The following SENP7 variants were observed in gnomAD, a reference collection of about 807,000 sequenced individuals.
SENP7 encodes sentrin-specific protease 7.
Under a neutral mutation model 141.2 loss-of-function variants are expected in SENP7, and 64 were observed. The ratio of observed to expected loss-of-function variants is 0.45; its 90% CI spans 0.37 to 0.56. The LOEUF (loss-of-function observed/expected upper bound fraction) is 0.56, where lower values mean the gene tolerates loss of function less well. SENP7 is among the 20% of genes least tolerant of loss of function. The pLI is 0.00. For synonymous variants in SENP7, 382 were observed against 426.4 expected (o/e 0.90, Z 1.28); for missense variants, 1,025 against 1,212.2 (o/e 0.85, Z 2.29).
At position 101,358,691 on chromosome 3, in the gene SENP7, A is replaced by G. The variant is rs566622159; in HGVS notation, c.1623+3024T>C. The G allele has an allele frequency of 9.3e-5, 15 of 161,902 alleles. No homozygotes were observed. The South Asian group carries it at 2.4e-3, about 26-fold the overall frequency. 10.0% of individuals were successfully genotyped at this position (161,902 alleles called of 1,614,324 possible). ...CTCTTATCACCCAGGTTGGAGGGCA[A>G]TGGCATGATTTCACCTCACTGCAAC... On this transcript the variant is annotated intron_variant, in intron 11 of 23. Transcript: ENST00000394095.
At chr3:101,416,745 A>G (rs529619847) in intron 5 of SENP7, among the ~76,000 whole-genome samples, 108 of 152,322 alleles carry the variant, frequency 7.1e-4, no homozygotes, top group African/African-American at 2.3e-3. Flanking sequence ...TTTGACAAGA[A>G]TTCTACTTTT....
At chr3:101,429,477 T>G (rs2062080851) in intron 4 of SENP7, among the ~76,000 whole-genome samples, 2 of 152,342 alleles carry the variant, frequency 1.3e-5, no homozygotes, top group East Asian at 3.9e-4. Flanking sequence ...AATTCACTCA[T>G]GATTTGGCTG....
chr3:101,414,570 C>T, intron 5 of SENP7: 1 of 1,604,738 alleles, frequency 6.2e-7, no homozygotes, highest in Non-Finnish European at 8.5e-7. Flanking sequence ...TGGATGACCA[C>T]ATGCACCTCA....
At chr3:101,387,047 A>G (rs1294907376) in intron 6 of SENP7, among the ~76,000 whole-genome samples, 1 of 152,160 alleles carries the variant, frequency 6.6e-6, no homozygotes. Context: ...TGCACCATAC[A>G]GGGGACTGAG....
At chr3:101,383,022 T>C (rs965657066) in intron 6 of SENP7, among the ~76,000 whole-genome samples, 1 of 152,102 alleles carries the variant, frequency 6.6e-6, no homozygotes, top group Non-Finnish European at 1.5e-5. Context: ...TATAAGAAAT[T>C]TTTTAAAACA....
At chr3:101,337,404 A>G (rs2059215780) in intron 17 of SENP7, 105 bp downstream of exon 17, 1 of 718,066 alleles carries the variant, frequency 1.4e-6, no homozygotes, top group Non-Finnish European at 2.2e-6. Context: ...AACAAATGGT[A>G]GTACTGCCTA....
At chr3:101,469,547 G>A (rs1199338773) in intron 3 of SENP7, among the ~76,000 whole-genome samples, 3 of 84,046 alleles carry the variant, frequency 3.6e-5, no homozygotes, top group South Asian at 4.0e-4. Flanking sequence ...TATCACGGCC[G>A]GGCGCGATGG....
intron 5 of SENP7, among the ~76,000 whole-genome samples, chr3:101,404,348 G>A (rs2061237336): frequency 6.6e-6 from 1 of 152,020 alleles, no homozygotes; most frequent in Non-Finnish European, 1.5e-5. Context: ...AAATGATGCT[G>A]GGAAAAGAAC....
At chr3:101,494,028 CT>C in intron 2 of SENP7, 60 bp from the exon 3 acceptor site, 1 of 1,030,822 alleles carries the variant, frequency 9.7e-7, no homozygotes, top group Non-Finnish European at 1.5e-6. Context: ...GCTAATTCAG[CT>C]AACAGAACCA....
intron 7 of SENP7, among the ~76,000 whole-genome samples, chr3:101,370,459 A>G (rs1257850459): frequency 6.6e-6 from 1 of 152,132 alleles, no homozygotes; most frequent in East Asian, 1.9e-4. Flanking sequence ...ATGGATCCAT[A>G]AGCCCCTAAA....
intron 4 of SENP7, among the ~76,000 whole-genome samples, chr3:101,456,595 A>C (rs905318853): frequency 5.9e-5 from 9 of 152,206 alleles, no homozygotes; most frequent in Admixed American, 4.6e-4. Flanking sequence ...TTATCTTTTT[A>C]TGCTAGGCTG....
At chr3:101,470,685 C>A (rs2063953284) in intron 3 of SENP7, among the ~76,000 whole-genome samples, 1 of 152,046 alleles carries the variant, frequency 6.6e-6, no homozygotes, top group Admixed American at 6.6e-5. Flanking sequence ...AAAGAGTATT[C>A]AATTAGGAAA....
chr3:101,330,904 T>G (rs1429461639), intron 19 of SENP7, among the ~76,000 whole-genome samples: 1 of 152,224 alleles, frequency 6.6e-6, no homozygotes, highest in African/African-American at 2.4e-5. Context: ...ATAAAACATT[T>G]AATTTTGTTA....
At chr3:101,353,977 TTC>T (rs771067379) in intron 11 of SENP7, among the ~76,000 whole-genome samples, 1 of 151,960 alleles carries the variant, frequency 6.6e-6, no homozygotes, top group Non-Finnish European at 1.5e-5. Context: ...GTTCTTTAAT[TTC>T]TGTTACAGTG....
At chr3:101,328,329 ATATT>A (rs2058958512) in intron 22 of SENP7, 145 bp downstream of exon 22, 3 of 562,234 alleles carry the variant, frequency 5.3e-6, no homozygotes, top group Non-Finnish European at 6.3e-6. Context: ...AGAATAGAAG[ATATT>A]TATTATTGAT....
chr3:101,412,319 A>C (rs942580788), intron 5 of SENP7, among the ~76,000 whole-genome samples: 1 of 152,120 alleles, frequency 6.6e-6, no homozygotes, highest in African/African-American at 2.4e-5. Context: ...ATAATTTAAA[A>C]TATACCTTCT....
chr3:101,351,345 C>A (rs928769260), intron 12 of SENP7, among the ~76,000 whole-genome samples: 3 of 151,924 alleles, frequency 2.0e-5, no homozygotes, highest in African/African-American at 7.2e-5. Context: ...CTATTGTTAT[C>A]CATTTTTATA....
intron 4 of SENP7, among the ~76,000 whole-genome samples, chr3:101,439,061 G>C (rs943157681): frequency 2.3e-5 from 3 of 129,070 alleles, no homozygotes; most frequent in Non-Finnish European, 3.4e-5. Flanking sequence ...GTCTCCGCCC[G>C]GCCGCCATCC....
intron 5 of SENP7, among the ~76,000 whole-genome samples, chr3:101,403,539 A>G (rs2061213159): frequency 6.6e-6 from 1 of 152,158 alleles, no homozygotes. Context: ...ATTATACTAC[A>G]TCCTCAATGC....
Sources: gnomAD v4.1 joint callset for allele counts (sites outside exome capture counted in the v4.1 genomes callset) on GRCh38, gnomAD v4.1.1 for gene constraint, MANE v1.5 for transcripts, NCBI Gene and HGNC (gene_info 2026-07-23, HGNC 2026-07-21) for gene names.